The following ITGA9 variants were observed in gnomAD, a reference collection of about 807,000 sequenced individuals.
The protein encoded by ITGA9 is integrin subunit alpha 9.
A neutral mutation model predicts 127.8 loss-of-function variants in ITGA9; 56 were observed. That is an observed-to-expected ratio of 0.44 (90% confidence interval 0.35 to 0.55). ITGA9 has a LOEUF of 0.55. Among genes scored for constraint, ITGA9 ranks in the 20% least tolerant of loss-of-function variants. The pLI, the probability that ITGA9 is intolerant of heterozygous loss-of-function variation, is 0.00. For synonymous variants in ITGA9, 508 were observed against 514.5 expected (o/e 0.99, Z 0.17); for missense variants, 1,196 against 1,347.1 (o/e 0.89, Z 1.76).
At chr3:37,544,979 G>T (rs1467517276) in intron 15 of ITGA9, among the ~76,000 whole-genome samples, 1 of 152,252 alleles carries the variant, frequency 6.6e-6, no homozygotes, top group Non-Finnish European at 1.5e-5. Flanking sequence ...TAGGATGAGT[G>T]CTAATGGCCT....
intron 23 of ITGA9, among the ~76,000 whole-genome samples, chr3:37,759,080 CA>C (rs1696692488): frequency 1.5e-5 from 2 of 129,324 alleles, no homozygotes; most frequent in South Asian, 5.7e-4. Flanking sequence ...TATATACCCA[CA>C]CACACACACA....
intron 4 of ITGA9, among the ~76,000 whole-genome samples, chr3:37,489,292 C>T (rs1698642623): frequency 6.6e-6 from 1 of 152,194 alleles, no homozygotes; most frequent in Non-Finnish European, 1.5e-5. Context: ...CTTTGTGAAG[C>T]ATAAGGGAGT....
At chr3:37,470,625 C>T (rs141737165) in intron 1 of ITGA9, among the ~76,000 whole-genome samples, 57 of 152,292 alleles carry the variant, frequency 3.7e-4, no homozygotes, top group Middle Eastern at 3.4e-3. Context: ...ACCCATCCAT[C>T]GCAGTCTCCT....
chr3:37,699,981 A>AT (rs1179319101), intron 18 of ITGA9, among the ~76,000 whole-genome samples: 4 of 151,984 alleles, frequency 2.6e-5, no homozygotes, highest in Non-Finnish European at 5.9e-5. Flanking sequence ...CTGGCATACT[A>AT]TTTTTTTGTT....
intron 1 of ITGA9, among the ~76,000 whole-genome samples, chr3:37,470,301 T>C (rs1698416408): frequency 6.6e-6 from 1 of 152,172 alleles, no homozygotes; most frequent in Non-Finnish European, 1.5e-5. Flanking sequence ...TGAATAGTTT[T>C]CCCAGTGGTT....
chr3:37,614,059 T>C (rs1320422206), intron 15 of ITGA9, among the ~76,000 whole-genome samples: 1 of 152,188 alleles, frequency 6.6e-6, no homozygotes, highest in African/African-American at 2.4e-5. Context: ...TCCTGAATGG[T>C]GTTGCCTAGG....
intron 15 of ITGA9, among the ~76,000 whole-genome samples, chr3:37,599,848 A>C (rs1315271041): frequency 6.6e-6 from 1 of 152,216 alleles, no homozygotes; most frequent in Non-Finnish European, 1.5e-5. Context: ...CTGATTGTGC[A>C]TTCTAATTAT....
intron 15 of ITGA9, among the ~76,000 whole-genome samples, chr3:37,616,545 GTC>G (rs1700076648): frequency 6.6e-6 from 1 of 152,190 alleles, no homozygotes; most frequent in South Asian, 2.1e-4. Context: ...TCGTTGATCT[GTC>G]TAATGTTGAC....
intron 26 of ITGA9, among the ~76,000 whole-genome samples, chr3:37,795,726 C>T (rs1226469761): frequency 6.6e-6 from 1 of 152,302 alleles, no homozygotes; most frequent in Non-Finnish European, 1.5e-5. Flanking sequence ...ACGACCCTCA[C>T]AGCCACTCCC....
intron 1 of ITGA9, among the ~76,000 whole-genome samples, chr3:37,462,343 A>G (rs1358224181): frequency 4.6e-5 from 7 of 152,196 alleles, no homozygotes; most frequent in Non-Finnish European, 8.8e-5. Context: ...ACTTAGCGTT[A>G]TGTGGTGTGG....
chr3:37,543,514 T>A (rs1699296797), intron 15 of ITGA9, among the ~76,000 whole-genome samples: 1 of 152,232 alleles, frequency 6.6e-6, no homozygotes, highest in Non-Finnish European at 1.5e-5. Context: ...GGACCTTGAA[T>A]GGTGTCTGAT....
At chr3:37,585,802 C>CA (rs564084645) in intron 15 of ITGA9, among the ~76,000 whole-genome samples, 11 of 151,902 alleles carry the variant, frequency 7.2e-5, no homozygotes, top group Non-Finnish European at 1.3e-4. Flanking sequence ...GGGGGCCCCC[C>CA]CAATTTTAAT....
intron 18 of ITGA9, among the ~76,000 whole-genome samples, chr3:37,701,969 G>C (rs1700951502): frequency 6.6e-6 from 1 of 152,152 alleles, no homozygotes; most frequent in African/African-American, 2.4e-5. Context: ...TGCTTTCAGG[G>C]AGCTCTCAGA....
At chr3:37,728,089 C>T (rs963698659) in intron 18 of ITGA9, among the ~76,000 whole-genome samples, 1 of 152,192 alleles carries the variant, frequency 6.6e-6, no homozygotes, top group African/African-American at 2.4e-5. Flanking sequence ...GTCCGCGTTC[C>T]CAGTCAGCTA....
intron 26 of ITGA9, among the ~76,000 whole-genome samples, chr3:37,791,999 T>G (rs571858693): frequency 6.6e-6 from 1 of 152,196 alleles, no homozygotes; most frequent in Non-Finnish European, 1.5e-5. Flanking sequence ...TTTCCCCCCT[T>G]GAACCTCACA....
At chr3:37,701,373 G>C (rs79138784) in intron 18 of ITGA9, among the ~76,000 whole-genome samples, 1 of 152,168 alleles carries the variant, frequency 6.6e-6, no homozygotes, top group Non-Finnish European at 1.5e-5. Context: ...GAAGATAGGG[G>C]GATATATTAG....
intron 1 of ITGA9, among the ~76,000 whole-genome samples, chr3:37,457,110 A>G (rs1201669426): frequency 1.3e-5 from 2 of 152,226 alleles, no homozygotes; most frequent in South Asian, 2.1e-4. Flanking sequence ...AACCCATAGC[A>G]TATGTGAGTA....
chr3:37,537,349 T>A (rs896087238), intron 14 of ITGA9, among the ~76,000 whole-genome samples: 1 of 152,120 alleles, frequency 6.6e-6, no homozygotes, highest in Non-Finnish European at 1.5e-5. Context: ...CTCTCCAGCC[T>A]TGCAGGCTCC....
At chr3:37,455,519 A>T (rs1018100343) in intron 1 of ITGA9, among the ~76,000 whole-genome samples, 26 of 152,172 alleles carry the variant, frequency 1.7e-4, no homozygotes, top group Non-Finnish European at 7.3e-5. Flanking sequence ...TAGAACCTAC[A>T]TGGGGGTGAC....
Sources: allele counts gnomAD v4.1 joint callset (sites outside exome capture counted in the v4.1 genomes callset), GRCh38; gene constraint gnomAD v4.1.1; transcripts MANE v1.5; gene names NCBI Gene and HGNC (gene_info 2026-07-23, HGNC 2026-07-21).